NRXN1: variants seen among roughly 807,000 people sequenced by gnomAD.
NRXN1 encodes the protein neurexin-1.
In NRXN1, 39 loss-of-function variants were observed where a neutral mutation model predicts 150.9. That is an observed-to-expected ratio of 0.26 (90% confidence interval 0.20 to 0.34). The LOEUF (loss-of-function observed/expected upper bound fraction) is 0.34. Among genes scored for constraint, NRXN1 ranks in the 10% least tolerant of loss-of-function variants. NRXN1 has a pLI of 1.00. For missense variants in NRXN1, 1,815 were observed against 1,949.9 expected, an observed-to-expected ratio of 0.93 and a Z score of 1.30; for synonymous variants, 924 against 757.0, an observed-to-expected ratio of 1.22 and a Z score of -3.62.
intron 2 of NRXN1, among the ~76,000 whole-genome samples, chr2:50,969,219 A>C (rs531140999): frequency 6.6e-6 from 1 of 152,212 alleles, no homozygotes; most frequent in African/African-American, 2.4e-5. Context: ...CGGAGCACTA[A>C]TCATTAATTA....
intron 15 of NRXN1, 32 bp from the exon 16 acceptor site, chr2:50,472,503 G>A: frequency 6.3e-7 from 1 of 1,580,238 alleles, no homozygotes; most frequent in Non-Finnish European, 8.7e-7. Flanking sequence ...TGTTACAAAA[G>A]TACCATGTCA....
intron 5 of NRXN1, among the ~76,000 whole-genome samples, chr2:50,754,466 C>A (rs903857496): frequency 6.6e-6 from 1 of 151,704 alleles, no homozygotes; most frequent in Non-Finnish European, 1.5e-5. Flanking sequence ...TTATGCCATA[C>A]AAAATATTAC....
At chr2:50,552,081 G>A (rs951711830) in intron 9 of NRXN1, among the ~76,000 whole-genome samples, 1 of 152,190 alleles carries the variant, frequency 6.6e-6, no homozygotes, top group East Asian at 1.9e-4. Flanking sequence ...GGGCAGCAGA[G>A]CTTTGCCACT....
At chr2:50,886,868 T>C (rs138521448) in intron 5 of NRXN1, among the ~76,000 whole-genome samples, 12 of 151,488 alleles carry the variant, frequency 7.9e-5, no homozygotes, top group African/African-American at 2.9e-4. Flanking sequence ...AGAAATAAAT[T>C]AGGGTTATTA....
chr2:50,396,819 T>C (rs934826896), intron 17 of NRXN1, among the ~76,000 whole-genome samples: 1 of 152,124 alleles, frequency 6.6e-6, no homozygotes, highest in Non-Finnish European at 1.5e-5. Flanking sequence ...AAACCTATCA[T>C]TAATTTTTTA....
intron 12 of NRXN1, among the ~76,000 whole-genome samples, chr2:50,525,398 TC>T (rs1416251502): frequency 6.6e-6 from 1 of 152,182 alleles, no homozygotes; most frequent in Non-Finnish European, 1.5e-5. Context: ...TATTAAAGTA[TC>T]CTTCACTGTC....
chr2:49,973,470 A>C (rs922397294), intron 21 of NRXN1, among the ~76,000 whole-genome samples: 5 of 152,196 alleles, frequency 3.3e-5, no homozygotes, highest in African/African-American at 1.2e-4. Context: ...CTCTGCCACA[A>C]AAGCATGCAT....
chr2:50,763,166 G>T (rs772103101), intron 5 of NRXN1, among the ~76,000 whole-genome samples: 1 of 151,870 alleles, frequency 6.6e-6, no homozygotes, highest in Non-Finnish European at 1.5e-5. Flanking sequence ...CCAAGTTTCT[G>T]TAAGAATCGA....
chr2:50,986,113 T>TA (rs1697661200), intron 2 of NRXN1, among the ~76,000 whole-genome samples: 1 of 151,774 alleles, frequency 6.6e-6, no homozygotes, highest in South Asian at 2.1e-4. Context: ...AACATACAGT[T>TA]AACTTTCATT....
intron 8 of NRXN1, among the ~76,000 whole-genome samples, chr2:50,608,007 C>G (rs1465864211): frequency 6.6e-6 from 1 of 151,790 alleles, no homozygotes; most frequent in Non-Finnish European, 1.5e-5. Context: ...GAAAGAAGGC[C>G]AAGCCCACCT....
At chr2:51,013,102 A>G (rs1668137892) in intron 2 of NRXN1, among the ~76,000 whole-genome samples, 1 of 152,058 alleles carries the variant, frequency 6.6e-6, no homozygotes, top group Non-Finnish European at 1.5e-5. Flanking sequence ...TAGAGTCAGT[A>G]CTGGGAGGAT....
chr2:50,254,171 A>G (rs942712233), intron 17 of NRXN1, among the ~76,000 whole-genome samples: 4 of 151,792 alleles, frequency 2.6e-5, no homozygotes, highest in Non-Finnish European at 4.4e-5. Context: ...GAATTTATCC[A>G]TATTCTCTAG....
chr2:50,123,228 A>T (rs1173335885), intron 18 of NRXN1, among the ~76,000 whole-genome samples: 1 of 152,152 alleles, frequency 6.6e-6, no homozygotes, highest in Non-Finnish European at 1.5e-5. Flanking sequence ...ATATAATGTG[A>T]GAGAGAGGTA....
chr2:50,950,351 A>T (rs1416294950), intron 2 of NRXN1, among the ~76,000 whole-genome samples: 2 of 152,312 alleles, frequency 1.3e-5, no homozygotes, highest in South Asian at 2.1e-4. Context: ...GTTATTTTTT[A>T]AAATCAATTT....
chr2:50,979,805 C>A (rs978552995), intron 2 of NRXN1, among the ~76,000 whole-genome samples: 18 of 152,088 alleles, frequency 1.2e-4, no homozygotes, highest in Admixed American at 6.6e-4. Flanking sequence ...ATTTATATTT[C>A]CCTAAGTTTC....
intron 17 of NRXN1, among the ~76,000 whole-genome samples, chr2:50,244,709 T>C (rs1329392054): frequency 1.3e-5 from 2 of 151,924 alleles, no homozygotes; most frequent in African/African-American, 2.4e-5. Flanking sequence ...AGGGTTACTA[T>C]GGTTAATATT....
At chr2:50,086,710 CA>C (rs1252285129) in intron 19 of NRXN1, among the ~76,000 whole-genome samples, 8 of 152,096 alleles carry the variant, frequency 5.3e-5, no homozygotes, top group Non-Finnish European at 1.0e-4. Flanking sequence ...TTCCTTCCTA[CA>C]ACTGGTTTCC....
At chr2:49,934,168 C>T (rs2104248955) in intron 22 of NRXN1, among the ~76,000 whole-genome samples, 1 of 152,154 alleles carries the variant, frequency 6.6e-6, no homozygotes, top group East Asian at 1.9e-4. Flanking sequence ...TAAGACTATT[C>T]TTTGGTAATA....
At chr2:50,898,619 G>A in intron 5 of NRXN1, 1 of 473,142 alleles carries the variant, frequency 2.1e-6, no homozygotes, top group Non-Finnish European at 4.2e-6. Flanking sequence ...TATTCTATGA[G>A]GTTATCATTC....
Sources: allele counts gnomAD v4.1 joint callset (sites outside exome capture counted in the v4.1 genomes callset), GRCh38; gene constraint gnomAD v4.1.1; transcripts MANE v1.5; gene names NCBI Gene and HGNC (gene_info 2026-07-23, HGNC 2026-07-21).